ZZEF1: variants seen among roughly 807,000 people sequenced by gnomAD.
ZZEF1 encodes the protein zinc finger ZZ-type and EF-hand domain-containing protein 1.
A neutral mutation model predicts 342.8 loss-of-function variants in ZZEF1; 157 were observed. The observed-to-expected ratio is 0.46, with a 90% CI of 0.40 to 0.52. The LOEUF is 0.52. Ranked by LOEUF, ZZEF1 falls within the 20% of genes least tolerant of loss-of-function variation. ZZEF1 has a pLI of 0.00. For missense variants in ZZEF1, 3,480 were observed against 3,725.6 expected (o/e 0.93, Z 1.72); for synonymous variants, 1,505 against 1,429.1 (o/e 1.05, Z -1.20).
At chr17:4,074,840 G>A (rs1465013046) in intron 23 of ZZEF1, among the ~76,000 whole-genome samples, 2 of 152,232 alleles carry the variant, frequency 1.3e-5, no homozygotes, top group Non-Finnish European at 2.9e-5. Context: ...GCTGTCTGCT[G>A]CAACTACTCA....
intron 11 of ZZEF1, 29 bp downstream of exon 11, chr17:4,095,802 T>C (rs2058023481): frequency 1.3e-6 from 2 of 1,585,026 alleles, no homozygotes; most frequent in African/African-American, 1.4e-5. Flanking sequence ...TGTAGATCTT[T>C]GTTCTACAAA....
Position 4,019,851 on chromosome 17 carries a change from A to G in ZZEF1, c.7405-82T>C, listed in dbSNP as rs1002437085. On this transcript the variant is annotated intron_variant, in intron 45 of 54. Transcript: ENST00000381638. ...TGATCAACTGAACTCAAAACTGAGAAGACAATATAGCAAAAGCTGCCACAG... is the reference window on the plus strand; with the variant it reads ...TGATCAACTGAACTCAAAACTGAGAGGACAATATAGCAAAAGCTGCCACAG... 8 of 1,026,852 alleles carry G rather than the reference A, an allele frequency of 7.8e-6. No individual in the cohort carries two copies. In the Admixed American group the frequency reaches 1.6e-4, roughly 21 times the overall value. 63.6% of individuals were successfully genotyped at this position (1,026,852 alleles called of 1,614,324 possible).
Position 4,013,473 on chromosome 17 carries a change from C to T in ZZEF1, c.8555G>A (p.Arg2852Lys). ...QRLKAIHLLL[R>K]IVRCCGHSDL... ...CCTGTGGCCGCAGCATCGCACAATC[C>T]TCAGAAGTAAGTGGATGGCTTTTAA... The change falls in exon 52 of 55, where the codon AGG becomes AAG. Residue 2852 changes from arginine to lysine, a missense_variant. Arg to Lys is a conservative substitution (Grantham distance 26). This residue lies in a region of ZZEF1 where 1,269 missense variants were observed against 1,342.4 expected (regional missense o/e 0.95). Transcript: ENST00000381638. 1 of 1,612,776 alleles carries T rather than the reference C, an allele frequency of 6.2e-7. No individual in the cohort carries two copies. The highest frequency in any genetic ancestry group is 8.5e-7 in the Non-Finnish European group (1 of 1,179,308).
intron 39 of ZZEF1, among the ~76,000 whole-genome samples, chr17:4,034,684 ATATT>A (rs2056622672): frequency 1.3e-5 from 2 of 152,204 alleles, no homozygotes; most frequent in Non-Finnish European, 2.9e-5. Flanking sequence ...TTTTCTATGC[ATATT>A]TATTTACACA....
Position 4,030,059 on chromosome 17 carries a change from G to A in ZZEF1, c.6892+2067C>T, listed in dbSNP as rs76439877. Among the ~76,000 whole-genome samples the A allele has an allele frequency of 4.6e-3, 691 of 149,594 alleles. 3 individuals carry two copies. Among genetic ancestry groups the A allele is most frequent in the Admixed American group, 8.7e-3 (130 of 15,002 alleles). ...AAAAAAAAAGAAAAGAAAAGAAACC[G>A]GAAAAGCAGTAACAACACATTAAAC... On this transcript the variant is annotated intron_variant, in intron 42 of 54. Transcript: ENST00000381638.
At position 4,064,826 on chromosome 17, in the gene ZZEF1, T is replaced by G; in HGVS notation, c.4253A>C (p.Lys1418Thr). The change falls in exon 29 of 55, where the codon AAA becomes ACA. Residue 1418 changes from lysine (K) to threonine (T), a missense_variant. Around this residue, in one of 5 missense-constraint regions of ZZEF1, gnomAD observed 1,528 missense variants for 1,624.1 expected, o/e 0.94. Transcript: ENST00000381638. ...TAGAAGACTCTTCTCAATGCACTCTTTTGCTAGATGCAAACAAGAATCATA... is the reference window on the plus strand; with the variant it reads ...TAGAAGACTCTTCTCAATGCACTCTGTTGCTAGATGCAAACAAGAATCATA... The part of the protein sequence containing the change: ...ATEVNPESLA[K>T]ECIEKSLLLL... 1 of 1,568,374 alleles carries G rather than the reference T, an allele frequency of 6.4e-7. No individual in the cohort carries two copies. The highest frequency in any genetic ancestry group is 1.2e-5 in the South Asian group (1 of 86,598).
intron 2 of ZZEF1, among the ~76,000 whole-genome samples, chr17:4,122,981 G>A (rs551687042): frequency 6.9e-6 from 1 of 145,174 alleles, no homozygotes; most frequent in South Asian, 2.2e-4. Context: ...GAGCAGTGGT[G>A]CGATCTCGGC....
At chr17:4,137,415 C>G (rs12452728) in intron 1 of ZZEF1, among the ~76,000 whole-genome samples, 29,654 of 152,118 alleles carry the variant, frequency 0.19, 3,087 homozygotes, top group African/African-American at 0.26. Context: ...TCGAGACCAT[C>G]CTGGCTAACA....
chr17:4,086,005 T>C (rs1287917479), intron 15 of ZZEF1, among the ~76,000 whole-genome samples: 1 of 152,230 alleles, frequency 6.6e-6, no homozygotes, highest in African/African-American at 2.4e-5. Flanking sequence ...TATGTATCAG[T>C]TTTTATGTCA....
chr17:4,061,780 G>C (rs934760453), intron 30 of ZZEF1, among the ~76,000 whole-genome samples: 1 of 151,288 alleles, frequency 6.6e-6, no homozygotes, highest in African/African-American at 2.4e-5. Context: ...CCTCTAAAAT[G>C]CATTCTGAAT....
intron 1 of ZZEF1, among the ~76,000 whole-genome samples, chr17:4,138,299 G>A (rs1007670692): frequency 6.6e-6 from 1 of 152,098 alleles, no homozygotes; most frequent in African/African-American, 2.4e-5. Context: ...CAGTTCCTGG[G>A]CTCAAAGCCA....
chr17:4,047,028 G>A (rs570683217), intron 37 of ZZEF1, among the ~76,000 whole-genome samples: 7 of 152,322 alleles, frequency 4.6e-5, no homozygotes, highest in African/African-American at 1.7e-4. Context: ...TGTGGGGACA[G>A]TGCTGGAAAT....
chr17:4,063,550 C>G (rs2057327420), intron 29 of ZZEF1, among the ~76,000 whole-genome samples: 1 of 152,092 alleles, frequency 6.6e-6, no homozygotes, highest in Admixed American at 6.5e-5. Context: ...ATATATAAAT[C>G]TTACATGAAA....
At chr17:4,031,434 T>TA (rs1335287122) in intron 42 of ZZEF1, among the ~76,000 whole-genome samples, 1 of 152,168 alleles carries the variant, frequency 6.6e-6, no homozygotes. Context: ...AATAGACAGA[T>TA]ACATGTGTGT....
chr17:4,101,440 G>T (rs1368599350), intron 9 of ZZEF1, among the ~76,000 whole-genome samples: 2 of 152,054 alleles, frequency 1.3e-5, no homozygotes, highest in African/African-American at 4.8e-5. Flanking sequence ...GGGACACAGA[G>T]GACAATAACA....
intron 39 of ZZEF1, among the ~76,000 whole-genome samples, chr17:4,037,178 G>A (rs997489342): frequency 6.6e-6 from 1 of 152,108 alleles, no homozygotes; most frequent in Admixed American, 6.6e-5. Flanking sequence ...ATTGTTTGAT[G>A]AGAAACAGGA....
At chr17:4,081,317 C>T (rs2057719332) in intron 18 of ZZEF1, 59 bp downstream of exon 18, 2 of 1,372,554 alleles carry the variant, frequency 1.5e-6, no homozygotes, top group Admixed American at 3.5e-5. Context: ...AAGAGACTGC[C>T]ACATCACGTG....
In ZZEF1 at chr17:4,004,802, C is replaced by T. The variant is rs1360997555; in HGVS notation, c.*2088G>A. 1 of 152,256 alleles carries T rather than the reference C, an allele frequency of 6.6e-6. No individual in the cohort carries two copies. The highest frequency in any genetic ancestry group is 2.4e-5 in the African/African-American group (1 of 41,464). 9.4% of individuals were successfully genotyped at this position (152,256 alleles called of 1,614,324 possible). A position where few individuals can be genotyped will look rare whatever the true frequency, so the allele number is the denominator to read the frequency against. ...CGGCGGCTCTGGCTCGGCAGCGCCA[C>T]CCGGTGGCCGGAGACAGAGGCGGCC... is the stretch of plus-strand genomic sequence containing the variant. On this transcript the variant is annotated 3_prime_UTR_variant, in exon 55 of 55. Coordinates refer to ENST00000381638, the MANE Select transcript of ZZEF1 (RefSeq NM_015113.4).
At chr17:4,141,480 G>T (rs758783153) in intron 1 of ZZEF1, among the ~76,000 whole-genome samples, 1 of 152,078 alleles carries the variant, frequency 6.6e-6, no homozygotes, top group Non-Finnish European at 1.5e-5. Context: ...GTCATACCGT[G>T]GTGTTAAAAG....
Sources: allele counts gnomAD v4.1 joint callset (sites outside exome capture counted in the v4.1 genomes callset), GRCh38; gene constraint gnomAD v4.1.1; regional missense constraint gnomAD v4.1.1; transcripts MANE v1.5; gene names NCBI Gene and HGNC (gene_info 2026-07-23, HGNC 2026-07-21).